NEBL: variants seen among roughly 807,000 people sequenced by gnomAD.
NEBL encodes the protein nebulette, also known as LIM and SH3 protein 2.
In NEBL, 122 loss-of-function variants were observed where a neutral mutation model predicts 140.2. That is an observed-to-expected ratio of 0.87 (90% CI 0.75 to 1.01). The LOEUF (loss-of-function observed/expected upper bound fraction) is 1.01. Ranked by LOEUF, NEBL falls within the 50% of genes least tolerant of loss-of-function variation. NEBL has a pLI of 0.00. For missense variants in NEBL, 1,365 were observed against 1,231.3 expected, an observed-to-expected ratio of 1.11 and a Z score of -1.62; for synonymous variants, 436 against 398.9, an observed-to-expected ratio of 1.09 and a Z score of -1.11.
intron 3 of NEBL, among the ~76,000 whole-genome samples, chr10:21,195,505 T>C (rs1451840771): frequency 6.6e-6 from 1 of 152,174 alleles, no homozygotes; most frequent in Non-Finnish European, 1.5e-5. Context: ...ATATATTCCA[T>C]CCATGAACCT....
intron 3 of NEBL, among the ~76,000 whole-genome samples, chr10:21,219,860 G>GT (rs11333216): frequency 0.01 from 1,297 of 128,870 alleles, 6 homozygotes; most frequent in South Asian, 0.016. Flanking sequence ...ATTTTCTTGG[G>GT]TTTTTTTTTT....
chr10:21,259,213 G>C (rs929712060), intron 1 of NEBL, among the ~76,000 whole-genome samples: 1 of 151,842 alleles, frequency 6.6e-6, no homozygotes, highest in Admixed American at 6.6e-5. Context: ...TCAGCCTCCC[G>C]AGCAGCTGGG....
chr10:20,991,447 T>G (rs1837451524), intron 3 of NEBL, among the ~76,000 whole-genome samples: 1 of 152,192 alleles, frequency 6.6e-6, no homozygotes, highest in African/African-American at 2.4e-5. Context: ...AATTAGATTT[T>G]CATGGAAAAG....
chr10:20,932,749 T>A (rs1293761699), intron 4 of NEBL, among the ~76,000 whole-genome samples: 2 of 152,244 alleles, frequency 1.3e-5, no homozygotes, highest in Non-Finnish European at 1.5e-5. Context: ...TCGATACTAA[T>A]CGTTGTGCTA....
intron 3 of NEBL, chr10:21,247,794 AC>A (rs1192665528): frequency 6.3e-6 from 1 of 159,174 alleles, no homozygotes; most frequent in African/African-American, 2.4e-5. Context: ...AAAAGTGCTG[AC>A]AAATCATCCC....
At chr10:20,980,661 C>G (rs764803099) in intron 3 of NEBL, among the ~76,000 whole-genome samples, 2 of 152,126 alleles carry the variant, frequency 1.3e-5, no homozygotes, top group African/African-American at 4.8e-5. Flanking sequence ...AGTGTGAAGG[C>G]AAAGATCCAC....
At chr10:20,985,498 A>G (rs1284955479) in intron 3 of NEBL, among the ~76,000 whole-genome samples, 5 of 152,202 alleles carry the variant, frequency 3.3e-5, no homozygotes. Context: ...GATTATCTTC[A>G]TATAAAATAC....
At chr10:21,254,828 A>G (rs1842634296) in intron 1 of NEBL, among the ~76,000 whole-genome samples, 1 of 152,000 alleles carries the variant, frequency 6.6e-6, no homozygotes, top group Admixed American at 6.6e-5. Context: ...CCTGCCCATG[A>G]CTGCCTGACC....
At position 20,813,950 on chromosome 10, in the gene NEBL, G is replaced by T. The variant is rs1438423663; in HGVS notation, c.2335C>A (p.His779Asn). The part of the protein sequence containing the change: ...AMRHVKEAQN[H>N]ISMVKYHEDF... ...TGGTTGGACCCTACCATTGAAATAT[G>T]ATTTTGTGCTTCTTTAACATGTCTC... The change falls in exon 23 of 28, where the codon CAT (histidine) becomes AAT (asparagine). Residue 779 changes from histidine (H) to asparagine (N), a missense_variant. Coordinates refer to ENST00000377122, the MANE Select transcript of NEBL (RefSeq NM_006393.3). The T allele has an allele frequency of 1.3e-6, 2 of 1,591,774 alleles. No homozygotes were observed. The highest frequency in any genetic ancestry group is 2.2e-5 in the South Asian group (2 of 90,548).
At chr10:20,970,617 C>A (rs569638288) in intron 3 of NEBL, among the ~76,000 whole-genome samples, 145 of 151,860 alleles carry the variant, frequency 9.5e-4, no homozygotes, top group African/African-American at 3.2e-3. Flanking sequence ...CCACTGCACT[C>A]CAGCCTGGAA....
At chr10:21,141,278 G>C (rs1839620922) in intron 2 of NEBL, among the ~76,000 whole-genome samples, 1 of 152,064 alleles carries the variant, frequency 6.6e-6, no homozygotes, top group Non-Finnish European at 1.5e-5. Flanking sequence ...TAATTTCCCA[G>C]TTTTGAAAGT....
At chr10:21,152,850 A>G (rs994791194) in intron 2 of NEBL, among the ~76,000 whole-genome samples, 3 of 152,130 alleles carry the variant, frequency 2.0e-5, no homozygotes, top group Non-Finnish European at 4.4e-5. Context: ...ATAAAGAGTG[A>G]CCTTGAAAAA....
At chr10:21,001,321 C>G (rs543567116) in intron 3 of NEBL, among the ~76,000 whole-genome samples, 2 of 152,248 alleles carry the variant, frequency 1.3e-5, no homozygotes, top group East Asian at 3.9e-4. Context: ...TTCCCTGGGA[C>G]AAGCTGGGAG....
In NEBL at chr10:20,879,338, G is replaced by T. The variant is rs192810405; in HGVS notation, c.480+1456C>A. ...AGTTCCTGGTGCATGGCTGTGCTCA[G>T]TAAGTGGTAGTTATTATGATTATTA... On this transcript the variant is annotated intron_variant, in intron 5 of 27. Coordinates refer to ENST00000377122, the MANE Select transcript of NEBL (RefSeq NM_006393.3). Among the ~76,000 whole-genome samples the T allele has an allele frequency of 1.1e-4, 17 of 152,294 alleles. No homozygotes were observed. In the East Asian group the frequency reaches 3.3e-3, roughly 29 times the overall value.
intron 3 of NEBL, among the ~76,000 whole-genome samples, chr10:20,970,655 A>G (rs1836530254): frequency 6.6e-6 from 1 of 152,188 alleles, no homozygotes; most frequent in South Asian, 2.1e-4. Context: ...TCTTAAAAAA[A>G]AAAAATTAAT....
At chr10:21,258,830 G>C (rs2132278743) in intron 1 of NEBL, among the ~76,000 whole-genome samples, 1 of 152,330 alleles carries the variant, frequency 6.6e-6, no homozygotes, top group South Asian at 2.1e-4. Context: ...AATGAGCCGA[G>C]ATCACGGCCA....
At chr10:20,924,163 A>G (rs760549789) in intron 4 of NEBL, among the ~76,000 whole-genome samples, 2 of 152,044 alleles carry the variant, frequency 1.3e-5, no homozygotes, top group Non-Finnish European at 2.9e-5. Context: ...ATATCTAAAG[A>G]CTTTTTAATT....
intron 8 of NEBL, among the ~76,000 whole-genome samples, chr10:20,858,896 C>T (rs572542481): frequency 2.1e-4 from 32 of 152,040 alleles, no homozygotes; most frequent in Non-Finnish European, 4.1e-4. Flanking sequence ...CTTTAAGTAG[C>T]CCCATTTTAT....
At chr10:21,206,193 T>C (rs1589328449) in intron 3 of NEBL, among the ~76,000 whole-genome samples, 1 of 152,144 alleles carries the variant, frequency 6.6e-6, no homozygotes, top group Non-Finnish European at 1.5e-5. Flanking sequence ...CTTGCTAATA[T>C]CCTAATCGCT....
Sources: gnomAD v4.1 joint callset for allele counts (sites outside exome capture counted in the v4.1 genomes callset) on GRCh38, gnomAD v4.1.1 for gene constraint, MANE v1.5 for transcripts, NCBI Gene and HGNC (gene_info 2026-07-23, HGNC 2026-07-21) for gene names.